Variants in SATB2 observed in about 807,000 individuals in gnomAD.
SATB2 encodes SATB homeobox 2.
A neutral mutation model predicts 73.4 loss-of-function variants in SATB2; 1 was observed. The observed-to-expected ratio is 0.01, with a 90% CI of 0.00 to 0.06. The LOEUF is 0.06. SATB2 is among the 10% of genes least tolerant of loss of function. The pLI, the probability that SATB2 is intolerant of heterozygous loss-of-function variation, is 1.00. For synonymous variants in SATB2, 397 were observed against 367.0 expected, an observed-to-expected ratio of 1.08 and a Z score of -0.93; for missense variants, 459 against 945.8, an observed-to-expected ratio of 0.49 and a Z score of 6.75.
intron 6 of SATB2, among the ~76,000 whole-genome samples, chr2:199,366,857 G>A (rs115739641): frequency 0.012 from 1,709 of 148,110 alleles, 38 homozygotes; most frequent in African/African-American, 0.04. Context: ...AAAGCTCCAG[G>A]AAAGAAAAAA....
chr2:199,412,128 T>C (rs1442953588), intron 3 of SATB2, among the ~76,000 whole-genome samples: 4 of 152,096 alleles, frequency 2.6e-5, no homozygotes, highest in African/African-American at 9.7e-5. Context: ...ATCTGATGAA[T>C]AGAAAAGCAC....
chr2:199,335,864 G>GT, intron 7 of SATB2, among the ~76,000 whole-genome samples: 1 of 152,222 alleles, frequency 6.6e-6, no homozygotes, highest in South Asian at 2.1e-4. Context: ...TCACAGATTT[G>GT]TTTTTTGTGG....
intron 3 of SATB2, among the ~76,000 whole-genome samples, chr2:199,421,809 C>G (rs1366608774): frequency 6.6e-6 from 1 of 152,100 alleles, no homozygotes; most frequent in Non-Finnish European, 1.5e-5. Flanking sequence ...GGTAAGAAAG[C>G]AAGCCAAATG....
chr2:199,319,431 C>T (rs1687824835), intron 9 of SATB2, among the ~76,000 whole-genome samples: 1 of 152,104 alleles, frequency 6.6e-6, no homozygotes, highest in African/African-American at 2.4e-5. Flanking sequence ...TCCCAGCAGG[C>T]TCTGGCACTA....
At chr2:199,323,508 C>CACACACATATAT (rs372830951) in intron 9 of SATB2, among the ~76,000 whole-genome samples, 1 of 144,250 alleles carries the variant, frequency 6.9e-6, no homozygotes, top group South Asian at 2.3e-4. Flanking sequence ...CACACACACA[C>CACACACATATAT]ATATATAAAG....
chr2:199,328,609 T>C, intron 8 of SATB2, 89 bp downstream of exon 8: 1 of 930,588 alleles, frequency 1.1e-6, no homozygotes, highest in Non-Finnish European at 1.8e-6. Context: ...GAATTATGTC[T>C]CTCAATGTTT....
At position 199,290,346 on chromosome 2, in the gene SATB2, GT is replaced by G. The variant is rs149568277; in HGVS notation, c.1741-17675del. On this transcript the variant is annotated intron_variant, in intron 10 of 10. Coordinates refer to ENST00000417098, the MANE Select transcript of SATB2 (RefSeq NM_001172509.2). ...CCACTGATCTCTGGGCTCCTTAAGG[GT>G]AGATTCTGTGTTATATTCACCTCCA... 6.0e-3 allele frequency among the ~76,000 whole-genome samples: 915 copies of G among 152,296 alleles called. 8 individuals are homozygous for G. The highest frequency in any genetic ancestry group is 0.021 in the African/African-American group (854 of 41,554).
intron 3 of SATB2, 106 bp downstream of exon 3, chr2:199,433,232 A>T (rs1691555347): frequency 8.6e-7 from 1 of 1,165,226 alleles, no homozygotes; most frequent in Admixed American, 2.7e-5. Context: ...GCTAAATCTG[A>T]CAATTCTCCT....
chr2:199,455,839 G>C lies in SATB2; in HGVS notation c.169+30C>G. ...CCGGGCCATTATCACTGGGCCGCGG[G>C]CTGCGCGCCTCCCTGCTCCGGGCTG... On this transcript the variant is annotated intron_variant, in intron 2 of 10. Coordinates refer to ENST00000417098, the MANE Select transcript of SATB2 (RefSeq NM_001172509.2). This position sits in a 1 kb window ranked among gnomAD's most constrained non-coding sequence, Gnocchi z 4.1. The C allele has an allele frequency of 1.3e-6, 2 of 1,533,986 alleles. No homozygotes were observed.
At position 199,445,527 on chromosome 2, in the gene SATB2, G is replaced by C. The variant is rs72933407; in HGVS notation, c.169+10342C>G. ...GGCAGACTTTCAATGGTAAGCCCCA[G>C]TTTTGGGGGAGTTTATAAGTTAGCT... On this transcript the variant is annotated intron_variant, in intron 2 of 10. Coordinates refer to ENST00000417098, the MANE Select transcript of SATB2 (RefSeq NM_001172509.2). Among the ~76,000 whole-genome samples the C allele has an allele frequency of 8.9e-3, 1,356 of 152,286 alleles. 15 individuals carry two copies. The highest frequency in any genetic ancestry group is 0.012 in the Non-Finnish European group (835 of 68,024).
rs1687998507 is a variant in SATB2, at chr2:199,325,226, T to A, written c.1387-1268A>T. 2.0e-5 allele frequency: 3 copies of A among 152,322 alleles called. No homozygotes were observed. The South Asian group carries it at 6.2e-4, about 32-fold the overall frequency. The allele number at this position is 152,322 out of a possible 1,614,324, so 9.4% of individuals were successfully genotyped here. A position where few individuals can be genotyped will look rare whatever the true frequency, so the allele number is the denominator to read the frequency against. ...TATGGCGTGCTTTTTATGGGCCAGG[T>A]ACTCCAGAAAGCATTTTAACATTTG... On this transcript the variant is annotated intron_variant, in intron 8 of 10. Coordinates refer to ENST00000417098, the MANE Select transcript of SATB2 (RefSeq NM_001172509.2).
upstream of SATB2, among the ~76,000 whole-genome samples, chr2:199,465,992 A>T (rs1692585554): frequency 6.6e-6 from 1 of 152,196 alleles, no homozygotes; most frequent in Non-Finnish European, 1.5e-5. Context: ...TATCTCCTGT[A>T]TTTACATATT....
chr2:199,367,032 T>C (rs1047082179), intron 6 of SATB2, among the ~76,000 whole-genome samples: 6 of 152,136 alleles, frequency 3.9e-5, no homozygotes, highest in African/African-American at 1.4e-4. Context: ...GGACACTCTC[T>C]TACTTTCTCT....
intron 6 of SATB2, 54 bp downstream of exon 6, chr2:199,368,551 C>T (rs1689354973): frequency 9.7e-7 from 1 of 1,026,916 alleles, no homozygotes; most frequent in Non-Finnish European, 1.5e-6. Flanking sequence ...CAACCAACAA[C>T]TCATGAACCT....
chr2:199,408,693 A>AT (rs1690711512), intron 3 of SATB2, among the ~76,000 whole-genome samples: 1 of 152,066 alleles, frequency 6.6e-6, no homozygotes, highest in Non-Finnish European at 1.5e-5. Flanking sequence ...AAAAAAAAAA[A>AT]ATAGAGTCTT....
chr2:199,393,851 G>A (rs76013394), intron 3 of SATB2, among the ~76,000 whole-genome samples: 176 of 152,146 alleles, frequency 1.2e-3, no homozygotes, highest in African/African-American at 4.0e-3. Flanking sequence ...AGGTCTGCCA[G>A]TTGGTGAGCA....
chr2:199,434,626 G>A (rs1691601126), intron 2 of SATB2, among the ~76,000 whole-genome samples: 1 of 152,080 alleles, frequency 6.6e-6, no homozygotes, highest in African/African-American at 2.4e-5. Flanking sequence ...ATGAAGACTG[G>A]GTGAGTAGGC....
intron 3 of SATB2, among the ~76,000 whole-genome samples, chr2:199,400,672 T>C (rs1233346204): frequency 6.6e-6 from 1 of 152,232 alleles, no homozygotes; most frequent in Non-Finnish European, 1.5e-5. Flanking sequence ...TTAACATCCT[T>C]TAATTTTCAC....
chr2:199,423,944 G>C (rs114758795), intron 3 of SATB2: 2 of 152,150 alleles, frequency 1.3e-5, no homozygotes, highest in South Asian at 4.1e-4. Context: ...TCTGCTGAGC[G>C]CAACCTGGAA....
Sources: allele counts gnomAD v4.1 joint callset (sites outside exome capture counted in the v4.1 genomes callset), GRCh38; gene constraint gnomAD v4.1.1; non-coding constraint Gnocchi (gnomAD v3.1); transcripts MANE v1.5; gene names NCBI Gene and HGNC (gene_info 2026-07-23, HGNC 2026-07-21).